GAS2: variants seen among roughly 807,000 people sequenced by gnomAD.
GAS2 encodes growth arrest-specific protein 2.
A neutral mutation model predicts 37.5 loss-of-function variants in GAS2; 20 were observed. The observed-to-expected ratio is 0.53, with a 90% CI of 0.37 to 0.77. GAS2 has a LOEUF of 0.77. Ranked by LOEUF, GAS2 falls within the 30% of genes least tolerant of loss-of-function variation. GAS2 has a pLI of 0.00. For synonymous variants in GAS2, 144 were observed against 132.2 expected (o/e 1.09, Z -0.61); for missense variants, 336 against 373.4 (o/e 0.90, Z 0.82).
chr11:22,812,088 C>A lies in GAS2; in HGVS notation c.*72C>A. On this transcript the variant is annotated 3_prime_UTR_variant, in exon 8 of 8. Transcript: ENST00000454584. ...CTTCTCCAGTATAGTCAGTTTAGTTCATATGTTCTGAAAACTGTTTTGGAG... is the reference window on the plus strand; with the variant it reads ...CTTCTCCAGTATAGTCAGTTTAGTTAATATGTTCTGAAAACTGTTTTGGAG... 1 of 1,122,912 alleles carries A rather than the reference C, an allele frequency of 8.9e-7. No individual in the cohort carries two copies. Among genetic ancestry groups the A allele is most frequent in the South Asian group, 1.3e-5 (1 of 74,802 alleles). The allele number at this position is 1,122,912 out of a possible 1,614,324, so 69.6% of individuals were successfully genotyped here.
intron 7 of GAS2, among the ~76,000 whole-genome samples, chr11:22,802,882 C>G (rs1316137898): frequency 6.6e-6 from 1 of 151,996 alleles, no homozygotes; most frequent in Non-Finnish European, 1.5e-5. Context: ...CAAATACTTA[C>G]CATGTGTTAT....
chr11:22,687,237 G>T (rs1850007417), intron 3 of GAS2, among the ~76,000 whole-genome samples: 2 of 152,218 alleles, frequency 1.3e-5, no homozygotes, highest in African/African-American at 2.4e-5. Context: ...TGAGGCGGCA[G>T]GTTCAATTGA....
chr11:22,805,302 A>G (rs934526354), intron 7 of GAS2, among the ~76,000 whole-genome samples: 1 of 152,198 alleles, frequency 6.6e-6, no homozygotes, highest in Non-Finnish European at 1.5e-5. Context: ...GTACATATGC[A>G]TTGTGGAATC....
chr11:22,682,361 A>G lies in GAS2; in HGVS notation c.146-3307A>G, dbSNP rs115150851. ...TGTAACTATCTTATAACTTAAAATT[A>G]TGAATGGAATCTTCAAATTGCCATA... On this transcript the variant is annotated intron_variant, in intron 2 of 7. Transcript: ENST00000454584. Among the ~76,000 whole-genome samples the G allele has an allele frequency of 7.6e-3, 1,159 of 152,226 alleles. 7 individuals carry two copies. The highest frequency in any genetic ancestry group is 0.026 in the African/African-American group (1,082 of 41,546).
intron 3 of GAS2, among the ~76,000 whole-genome samples, chr11:22,695,337 A>G (rs557239230): frequency 6.6e-6 from 1 of 151,138 alleles, no homozygotes; most frequent in South Asian, 2.1e-4. Context: ...AAAAAAAAAG[A>G]CTCTTTATTC....
chr11:22,691,958 A>T (rs1006036857), intron 3 of GAS2, among the ~76,000 whole-genome samples: 22 of 152,168 alleles, frequency 1.4e-4, no homozygotes, highest in African/African-American at 3.6e-4. Flanking sequence ...GTCTTGCTTA[A>T]TGTTTTTTGT....
At chr11:22,773,368 C>CCAATGTCACA (rs929217148) in intron 7 of GAS2, among the ~76,000 whole-genome samples, 1 of 147,548 alleles carries the variant, frequency 6.8e-6, no homozygotes, top group African/African-American at 2.5e-5. Context: ...CTCTTTATGT[C>CCAATGTCACA]CAATGTCACA....
At chr11:22,751,605 T>C (rs1590088758) in intron 6 of GAS2, among the ~76,000 whole-genome samples, 1 of 152,006 alleles carries the variant, frequency 6.6e-6, no homozygotes, top group Admixed American at 6.6e-5. Context: ...TGGAAATGCA[T>C]GCACCTTTCA....
rs567260197 is a variant in GAS2 at position 22,811,165 on chromosome 11, T to C, written c.724-633T>C. Among the ~76,000 whole-genome samples the C allele has an allele frequency of 7.2e-5, 11 of 152,304 alleles. No homozygotes were observed. In the South Asian group the frequency reaches 1.9e-3, roughly 26 times the overall value. Reference sequence around the variant, plus strand: ...TTAAGTTGGAGCTCTAGATGGCTCCTGGGCCTAGGGGTAAGTTGTTTGTTT... The same window carrying C: ...TTAAGTTGGAGCTCTAGATGGCTCCCGGGCCTAGGGGTAAGTTGTTTGTTT... On this transcript the variant is annotated intron_variant, in intron 7 of 7. Transcript: ENST00000454584.
At chr11:22,626,715 C>CCT (rs1858660165) in intron 1 of GAS2, 1 of 152,100 alleles carries the variant, frequency 6.6e-6, no homozygotes, top group Admixed American at 6.6e-5. Flanking sequence ...GAATTTCCTT[C>CCT]CAGTCCTAAA....
chr11:22,754,030 C>A (rs189288430), intron 6 of GAS2, among the ~76,000 whole-genome samples: 10 of 152,136 alleles, frequency 6.6e-5, no homozygotes, highest in African/African-American at 2.4e-4. Context: ...GAACAGAAAT[C>A]TATTAGTGTT....
intron 7 of GAS2, among the ~76,000 whole-genome samples, chr11:22,764,316 T>C (rs543407277): frequency 6.6e-6 from 1 of 152,134 alleles, no homozygotes; most frequent in East Asian, 1.9e-4. Context: ...ATCCCAGCAC[T>C]TTGGGAGGCC....
At chr11:22,732,517 CCTT>C (rs1852527493) in intron 4 of GAS2, among the ~76,000 whole-genome samples, 1 of 151,654 alleles carries the variant, frequency 6.6e-6, no homozygotes, top group African/African-American at 2.4e-5. Flanking sequence ...TTTGCTTTTT[CCTT>C]CTTCTCAGCA....
At chr11:22,744,632 A>C (rs1002874400) in intron 5 of GAS2, among the ~76,000 whole-genome samples, 1 of 152,128 alleles carries the variant, frequency 6.6e-6, no homozygotes, top group Non-Finnish European at 1.5e-5. Flanking sequence ...AACTAACTAG[A>C]CATTAAAGGA....
intron 3 of GAS2, among the ~76,000 whole-genome samples, chr11:22,692,234 T>C (rs562003305): frequency 3.3e-5 from 5 of 152,248 alleles, no homozygotes; most frequent in East Asian, 1.9e-4. Flanking sequence ...ATGGAACTTA[T>C]CTAGATCTTC....
chr11:22,737,591 GA>G, intron 4 of GAS2, 113 bp from the exon 5 acceptor site: 1 of 915,744 alleles, frequency 1.1e-6, no homozygotes, highest in Non-Finnish European at 1.8e-6. Flanking sequence ...CTGTCAGAAT[GA>G]AGACTAGATC....
intron 4 of GAS2, among the ~76,000 whole-genome samples, chr11:22,727,249 AGAAAG>A (rs1288227631): frequency 6.6e-6 from 1 of 152,094 alleles, no homozygotes; most frequent in Non-Finnish European, 1.5e-5. Context: ...AACCAAATTG[AGAAAG>A]GAGACATCTA....
chr11:22,713,281 T>C (rs1048950453), intron 3 of GAS2, among the ~76,000 whole-genome samples: 1 of 151,562 alleles, frequency 6.6e-6, no homozygotes, highest in African/African-American at 2.4e-5. Flanking sequence ...AAAGAAGACT[T>C]CTGAATTAAC....
At chr11:22,675,499 C>T (rs1849386796) in intron 2 of GAS2, among the ~76,000 whole-genome samples, 1 of 152,160 alleles carries the variant, frequency 6.6e-6, no homozygotes, top group Admixed American at 6.5e-5. Flanking sequence ...TCATCCCACC[C>T]TGAACTAAAA....
Sources: gnomAD v4.1 joint callset for allele counts (sites outside exome capture counted in the v4.1 genomes callset) on GRCh38, gnomAD v4.1.1 for gene constraint, MANE v1.5 for transcripts, NCBI Gene and HGNC (gene_info 2026-07-23, HGNC 2026-07-21) for gene names.